The following DGKH variants were observed in gnomAD, a reference collection of about 807,000 sequenced individuals.
DGKH encodes the protein DAG kinase eta.
Under a neutral mutation model 159.3 loss-of-function variants are expected in DGKH, and 90 were observed. The observed-to-expected ratio is 0.57, with a 90% CI of 0.48 to 0.67. DGKH has a LOEUF of 0.67. DGKH is among the 30% of genes least tolerant of loss of function. The pLI is 0.00. For synonymous variants in DGKH, 536 were observed against 553.8 expected, an observed-to-expected ratio of 0.97 and a Z score of 0.45; for missense variants, 1,181 against 1,506.1, an observed-to-expected ratio of 0.78 and a Z score of 3.57.
At chr13:42,127,355 A>G in intron 1 of DGKH, 108 bp from the exon 2 acceptor site, 1 of 792,906 alleles carries the variant, frequency 1.3e-6, no homozygotes, top group Non-Finnish European at 2.1e-6. Flanking sequence ...TTTGTAAGAC[A>G]TGAGAAATAT....
intron 3 of DGKH, among the ~76,000 whole-genome samples, chr13:42,137,466 CT>C (rs1955424247): frequency 6.6e-6 from 1 of 152,162 alleles, no homozygotes; most frequent in African/African-American, 2.4e-5. Context: ...AGGCTAACAT[CT>C]AATAATATAA....
At chr13:42,165,220 A>G (rs1956281425) in intron 7 of DGKH, 111 bp from the exon 8 acceptor site, 1 of 514,512 alleles carries the variant, frequency 1.9e-6, no homozygotes, top group African/African-American at 2.0e-5. Context: ...TTTATGAATT[A>G]CTGAACATTT....
At chr13:42,215,300 T>A in intron 25 of DGKH, among the ~76,000 whole-genome samples, 1 of 152,098 alleles carries the variant, frequency 6.6e-6, no homozygotes, top group East Asian at 1.9e-4. Flanking sequence ...TTAATGGGAA[T>A]ATGTATATGC....
intron 1 of DGKH, among the ~76,000 whole-genome samples, chr13:42,050,606 T>C (rs1438586476): frequency 2.0e-5 from 3 of 152,234 alleles, no homozygotes; most frequent in Non-Finnish European, 4.4e-5. Flanking sequence ...TTAGGGACTT[T>C]CCTAAAAGTG....
chr13:42,121,829 A>G (rs941139419), intron 1 of DGKH, among the ~76,000 whole-genome samples: 3 of 152,222 alleles, frequency 2.0e-5, no homozygotes, highest in Non-Finnish European at 4.4e-5. Context: ...TTCCTGGGAC[A>G]CAGAGAGTCC....
At position 42,165,327 on chromosome 13, in the gene DGKH, T is replaced by C. The variant is rs867761822; in HGVS notation, c.856-4T>C. The C allele has an allele frequency of 6.6e-7, 1 of 1,508,226 alleles. No homozygotes were observed. Among genetic ancestry groups the C allele is most frequent in the Middle Eastern group, 1.7e-4 (1 of 5,804 alleles). 93.4% of individuals were successfully genotyped at this position (1,508,226 alleles called of 1,614,324 possible). ...TTCTTGAAGGTATATTTGTTTGTCA[T>C]TAGGTACACACTGCCTGCAAAGATT... On this transcript the variant is annotated splice_polypyrimidine_tract_variant and splice_region_variant and intron_variant, in intron 7 of 29. Coordinates refer to ENST00000337343, the MANE Select transcript of DGKH (RefSeq NM_178009.5).
At chr13:42,046,031 C>G (rs1339960052), upstream of DGKH, among the ~76,000 whole-genome samples, 1 of 152,210 alleles carries the variant, frequency 6.6e-6, no homozygotes, top group Admixed American at 6.5e-5. Flanking sequence ...TTAGGGGTAG[C>G]TACCACCTAT....
At chr13:42,073,510 A>C (rs188360050) in intron 1 of DGKH, among the ~76,000 whole-genome samples, 1 of 152,230 alleles carries the variant, frequency 6.6e-6, no homozygotes, top group African/African-American at 2.4e-5. Context: ...TCGATAAATT[A>C]TATGAGATAT....
chr13:42,252,733 G>A (rs533390080), intron 30 of DGKH, among the ~76,000 whole-genome samples: 1 of 152,014 alleles, frequency 6.6e-6, no homozygotes, highest in Non-Finnish European at 1.5e-5. Context: ...GGTTGGGGAA[G>A]GTCTCATGCA....
intron 14 of DGKH, among the ~76,000 whole-genome samples, chr13:42,188,682 A>G (rs1207390264): frequency 6.6e-6 from 1 of 152,242 alleles, no homozygotes; most frequent in Non-Finnish European, 1.5e-5. Context: ...CTGTATAAAT[A>G]TTATAAAGAT....
intron 1 of DGKH, among the ~76,000 whole-genome samples, chr13:42,063,738 G>A (rs1175775014): frequency 1.3e-5 from 2 of 152,066 alleles, no homozygotes; most frequent in Non-Finnish European, 2.9e-5. Flanking sequence ...TCAGGAGTTC[G>A]AGACCAGCCT....
chr13:42,135,591 A>G (rs1454413796), intron 3 of DGKH, among the ~76,000 whole-genome samples: 3 of 152,078 alleles, frequency 2.0e-5, no homozygotes, highest in African/African-American at 7.2e-5. Flanking sequence ...TGTTAAATCA[A>G]TAAAATGTTC....
chr13:42,200,351 TAA>T (rs1957317659), intron 20 of DGKH, among the ~76,000 whole-genome samples: 1 of 152,220 alleles, frequency 6.6e-6, no homozygotes, highest in Non-Finnish European at 1.5e-5. Context: ...CAAGTAAAAT[TAA>T]AAGAGATTTT....
intron 3 of DGKH, among the ~76,000 whole-genome samples, chr13:42,153,544 A>T (rs375740995): frequency 2.6e-5 from 4 of 152,248 alleles, no homozygotes; most frequent in Non-Finnish European, 5.9e-5. Flanking sequence ...GACAATATTT[A>T]TTCAGAAAAC....
intron 11 of DGKH, 34 bp from the exon 12 acceptor site, chr13:42,174,026 G>A (rs759266180): frequency 7.1e-6 from 11 of 1,559,196 alleles, no homozygotes; most frequent in Non-Finnish European, 9.7e-6. Context: ...CAATTTTAAG[G>A]AAATCTTTGA....
rs577711022 is a variant in DGKH at position 42,218,066 on chromosome 13, G to T, written c.3214-1164G>T. ...TCATCATCATCATCATCATCACCTTGTGCTATTTCCAGAGGAAGAAATAAA... is the reference window on the plus strand; with the variant it reads ...TCATCATCATCATCATCATCACCTTTTGCTATTTCCAGAGGAAGAAATAAA... On this transcript the variant is annotated intron_variant, in intron 26 of 29. Transcript: ENST00000337343. Among the ~76,000 whole-genome samples, 3 of 152,060 alleles carry T rather than the reference G, an allele frequency of 2.0e-5. No individual in the cohort carries two copies. The South Asian group carries it at 6.2e-4, about 32-fold the overall frequency.
At position 42,222,899 on chromosome 13, in the gene DGKH, A is replaced by G. The variant is rs73460121; in HGVS notation, c.3573+1505A>G. 6.7e-3 allele frequency among the ~76,000 whole-genome samples: 1,019 copies of G among 152,318 alleles called. 14 individuals carry two copies. The highest frequency in any genetic ancestry group is 0.023 in the African/African-American group (962 of 41,576). On this transcript the variant is annotated intron_variant, in intron 29 of 29. Coordinates refer to ENST00000337343, the MANE Select transcript of DGKH (RefSeq NM_178009.5). ...GAATGTAGCAGAATGAATGTGTAGAATGGAAAAACATACACTAAGGCAAAG... is the reference window on the plus strand; with the variant it reads ...GAATGTAGCAGAATGAATGTGTAGAGTGGAAAAACATACACTAAGGCAAAG...
chr13:42,095,990 A>G (rs1358749629), intron 1 of DGKH, among the ~76,000 whole-genome samples: 1 of 152,222 alleles, frequency 6.6e-6, no homozygotes, highest in Non-Finnish European at 1.5e-5. Context: ...ATAGAATTGA[A>G]AACTTTTTTG....
chr13:42,140,923 T>A (rs1199951664), intron 3 of DGKH: 2 of 151,306 alleles, frequency 1.3e-5, no homozygotes, highest in African/African-American at 2.4e-5. Context: ...ATTTATTTTT[T>A]ATTTTTTTAT....
Sources: allele counts gnomAD v4.1 joint callset (sites outside exome capture counted in the v4.1 genomes callset), GRCh38; gene constraint gnomAD v4.1.1; transcripts MANE v1.5; gene names NCBI Gene and HGNC (gene_info 2026-07-23, HGNC 2026-07-21).